SPOPL: variants seen among roughly 807,000 people sequenced by gnomAD.
The protein encoded by SPOPL is speckle-type POZ protein-like.
A neutral mutation model predicts 53.8 loss-of-function variants in SPOPL; 23 were observed. The observed-to-expected ratio is 0.43, with a 90% CI of 0.31 to 0.61. SPOPL has a LOEUF of 0.61. SPOPL is among the 20% of genes least tolerant of loss of function. The pLI is 0.12. For missense variants in SPOPL, 442 were observed against 466.9 expected (o/e 0.95, Z 0.49); for synonymous variants, 164 against 149.7 (o/e 1.10, Z -0.70).
intron 1 of SPOPL, among the ~76,000 whole-genome samples, chr2:138,539,291 T>C (rs1274138303): frequency 6.6e-6 from 1 of 152,212 alleles, no homozygotes; most frequent in Non-Finnish European, 1.5e-5. Context: ...GGTCAAATGG[T>C]ATTTCTAGTT....
rs919784796 is a variant in SPOPL, at chr2:138,572,307, A to C, written c.*3227A>C. 1 of 152,614 alleles carries C rather than the reference A, an allele frequency of 6.6e-6. No homozygotes were observed. The highest frequency in any genetic ancestry group is 2.4e-5 in the African/African-American group (1 of 41,464). The allele number at this position is 152,614 out of a possible 1,614,324, so 9.5% of individuals were successfully genotyped here. On this transcript the variant is annotated 3_prime_UTR_variant, in exon 11 of 11. Coordinates refer to ENST00000280098, the MANE Select transcript of SPOPL (RefSeq NM_001001664.3). ...TTTTAAAATATTAACAAAGATCTCA[A>C]AAAGTTGTCATGAACATTATTCATT...
intron 1 of SPOPL, among the ~76,000 whole-genome samples, chr2:138,519,031 A>G (rs965797709): frequency 5.3e-5 from 8 of 152,210 alleles, no homozygotes; most frequent in Non-Finnish European, 1.0e-4. Flanking sequence ...TGAGATAATT[A>G]CCATTTATTA....
intron 1 of SPOPL, among the ~76,000 whole-genome samples, chr2:138,542,017 G>A (rs1685083188): frequency 6.6e-6 from 1 of 152,224 alleles, no homozygotes; most frequent in Non-Finnish European, 1.5e-5. Flanking sequence ...TAAGGAGCAG[G>A]TTGTTCAGTT....
At chr2:138,551,203 C>T (rs772294974) in intron 4 of SPOPL, 149 bp downstream of exon 4, 25 of 835,526 alleles carry the variant, frequency 3.0e-5, no homozygotes, top group Non-Finnish European at 4.2e-5. Context: ...TTAAATCCAG[C>T]ATAGAGCTAT....
At chr2:138,553,042 G>A (rs1373593302) in intron 5 of SPOPL, among the ~76,000 whole-genome samples, 1 of 152,008 alleles carries the variant, frequency 6.6e-6, no homozygotes, top group Non-Finnish European at 1.5e-5. Flanking sequence ...CAGATTGATT[G>A]TATTAAACAT....
At chr2:138,551,101 A>G (rs774732738) in intron 4 of SPOPL, 47 bp downstream of exon 4, 11 of 1,598,596 alleles carry the variant, frequency 6.9e-6, no homozygotes, top group African/African-American at 1.3e-5. Context: ...ATAACTACAT[A>G]TTATGACTTC....
At position 138,551,001 on chromosome 2, in the gene SPOPL, C is replaced by G. The variant is rs756236631; in HGVS notation, c.299C>G (p.Ala100Gly). 2 of 1,613,282 alleles carry G rather than the reference C, an allele frequency of 1.2e-6. No homozygotes were observed. The highest frequency in any genetic ancestry group is 1.7e-6 in the Non-Finnish European group (2 of 1,179,596). ...LVSCPKSEVR[A>G]KFKFSLLNAK... ...AGCTGCCCCAAAAGTGAAGTTCGAG[C>G]AAAATTCAAATTTTCCCTTCTGAAT... Residue 100 changes from alanine (A) to glycine (G), a missense_variant, in exon 4 of 11, where the codon GCA becomes GGA. Ala to Gly is a moderately conservative substitution (Grantham distance 60). Transcript: ENST00000280098.
intron 1 of SPOPL, among the ~76,000 whole-genome samples, chr2:138,507,992 T>C (rs150910285): frequency 1.4e-4 from 22 of 152,210 alleles, no homozygotes; most frequent in African/African-American, 5.3e-4. Context: ...TTTCTCTCAA[T>C]TTTAGGGAGT....
At chr2:138,519,722 G>A (rs901650431) in intron 1 of SPOPL, among the ~76,000 whole-genome samples, 1 of 152,108 alleles carries the variant, frequency 6.6e-6, no homozygotes, top group South Asian at 2.1e-4. Flanking sequence ...TGTCTGGGAG[G>A]TCAAGGCTGA....
chr2:138,519,596 C>G (rs930195607), intron 1 of SPOPL, among the ~76,000 whole-genome samples: 3 of 152,000 alleles, frequency 2.0e-5, no homozygotes, highest in Non-Finnish European at 2.9e-5. Flanking sequence ...CCCAGGAGTT[C>G]AGGACTGGCC....
intron 1 of SPOPL, among the ~76,000 whole-genome samples, chr2:138,518,898 T>C (rs1573872575): frequency 6.6e-6 from 1 of 152,254 alleles, no homozygotes; most frequent in East Asian, 1.9e-4. Context: ...TTCTATTTTG[T>C]AAACAAGCTC....
intron 1 of SPOPL, among the ~76,000 whole-genome samples, chr2:138,519,390 A>G (rs1438566092): frequency 6.6e-6 from 1 of 152,042 alleles, no homozygotes; most frequent in Non-Finnish European, 1.5e-5. Context: ...TTTTCACTTA[A>G]AAATTCTGGA....
At chr2:138,530,026 T>C (rs1684772836) in intron 1 of SPOPL, among the ~76,000 whole-genome samples, 1 of 152,092 alleles carries the variant, frequency 6.6e-6, no homozygotes, top group Admixed American at 6.5e-5. Flanking sequence ...TATGTGTCCA[T>C]GTGTTTCCAT....
intron 5 of SPOPL, among the ~76,000 whole-genome samples, chr2:138,553,242 GAA>G (rs1685352773): frequency 6.6e-6 from 1 of 152,046 alleles, no homozygotes; most frequent in Non-Finnish European, 1.5e-5. Flanking sequence ...GGGATATTTT[GAA>G]AGTTACTAGC....
intron 1 of SPOPL, among the ~76,000 whole-genome samples, chr2:138,521,822 AC>A (rs1239919962): frequency 1.3e-5 from 2 of 152,124 alleles, no homozygotes; most frequent in Non-Finnish European, 2.9e-5. Flanking sequence ...TTGGAATAAG[AC>A]CCCCCAAAAA....
intron 1 of SPOPL, among the ~76,000 whole-genome samples, chr2:138,532,681 A>G (rs561897295): frequency 1.2e-3 from 178 of 143,686 alleles, no homozygotes; most frequent in African/African-American, 4.3e-3. Context: ...TGACCTCGTG[A>G]TCTGCCCGCC....
chr2:138,506,590 T>C (rs1477219866), intron 1 of SPOPL, among the ~76,000 whole-genome samples: 1 of 152,102 alleles, frequency 6.6e-6, no homozygotes, highest in Non-Finnish European at 1.5e-5. Flanking sequence ...AAAGGCTGAC[T>C]TCCAGGGCCA....
chr2:138,531,758 A>T (rs1436753863), intron 1 of SPOPL, among the ~76,000 whole-genome samples: 1 of 151,018 alleles, frequency 6.6e-6, no homozygotes, highest in African/African-American at 2.4e-5. Context: ...TTTTAAAATT[A>T]AATTATTGGT....
rs1047278338 is a variant in SPOPL, at chr2:138,570,290, C to G, written c.*1210C>G. 6.6e-6 allele frequency: 1 copy of G among 152,134 alleles called. No individual in the cohort carries two copies. The highest frequency in any genetic ancestry group is 1.9e-4 in the East Asian group (1 of 5,196). 9.4% of individuals were successfully genotyped at this position (152,134 alleles called of 1,614,324 possible). A position where few individuals can be genotyped will look rare whatever the true frequency, so the allele number is the denominator to read the frequency against. On this transcript the variant is annotated 3_prime_UTR_variant, in exon 11 of 11. Coordinates refer to ENST00000280098, the MANE Select transcript of SPOPL (RefSeq NM_001001664.3). ...TCACACTAGGAACCTCCCCTCACTC[C>G]CCGTTTTTCTTCATTGTGTTTCAGT...
Sources: allele counts gnomAD v4.1 joint callset (sites outside exome capture counted in the v4.1 genomes callset), GRCh38; gene constraint gnomAD v4.1.1; transcripts MANE v1.5; gene names NCBI Gene and HGNC (gene_info 2026-07-23, HGNC 2026-07-21).